Variants in CDK5RAP1 observed in about 807,000 individuals in gnomAD.
CDK5RAP1 encodes the protein CDK5RAP1 mitochondrial tRNA methylthiotransferase, also known as mitochondrial tRNA methylthiotransferase CDK5RAP1.
Under a neutral mutation model 64.5 loss-of-function variants are expected in CDK5RAP1, and 62 were observed. That is an observed-to-expected ratio of 0.96 (90% CI 0.78 to 1.19). The LOEUF (loss-of-function observed/expected upper bound fraction) is 1.19. CDK5RAP1 is among the 50% of genes most tolerant of loss of function. The probability of loss-of-function intolerance (pLI) is 0.00; values close to 1 mark genes in which losing one functional copy is unlikely to be tolerated. For synonymous variants in CDK5RAP1, 250 were observed against 261.9 expected (o/e 0.95, Z 0.44); for missense variants, 657 against 735.0 (o/e 0.89, Z 1.23).
intron 12 of CDK5RAP1, among the ~76,000 whole-genome samples, chr20:33,364,819 C>G (rs1983591398): frequency 6.6e-6 from 1 of 151,914 alleles, no homozygotes; most frequent in African/African-American, 2.4e-5. Context: ...GGTGATCCAC[C>G]CGCCTCGGCC....
chr20:33,389,456 G>A (rs1440728778), intron 5 of CDK5RAP1, among the ~76,000 whole-genome samples: 2 of 151,732 alleles, frequency 1.3e-5, no homozygotes, highest in Non-Finnish European at 2.9e-5. Flanking sequence ...AGTGAGGAGC[G>A]TCTCCGCCCA....
chr20:33,366,725 G>T, intron 12 of CDK5RAP1, 134 bp downstream of exon 12: 4 of 724,988 alleles, frequency 5.5e-6, no homozygotes, highest in East Asian at 2.8e-5. Flanking sequence ...CCACCTACTT[G>T]GGAGGCTGAG....
chr20:33,385,737 G>C lies in CDK5RAP1; in HGVS notation c.789C>G (p.Ser263Arg), dbSNP rs779371496. Residue 263 changes from serine (S) to arginine (R), a missense_variant, in exon 7 of 14, where the codon AGC (serine) becomes AGG (arginine). Physicochemically the swap from Ser to Arg is moderately radical, Grantham distance 110. Transcript: ENST00000346416. ...CCCGGGTGAAAGGAACAATGCAGTA[G>C]CTACACATGTTGTCACAGCCTCGCA... ...SIMRGCDNMC[S>R]YCIVPFTRGR... 9.9e-6 allele frequency: 16 copies of C among 1,613,690 alleles called. No homozygotes were observed. The East Asian group carries it at 3.1e-4, about 31-fold the overall frequency.
chr20:33,395,324 T>C (rs993815356), intron 2 of CDK5RAP1, among the ~76,000 whole-genome samples: 1 of 152,104 alleles, frequency 6.6e-6, no homozygotes, highest in Non-Finnish European at 1.5e-5. Context: ...AATACCATAT[T>C]AGGCTGGGCA....
At chr20:33,372,621 G>A in intron 10 of CDK5RAP1, 21 bp downstream of exon 10, 1 of 1,412,362 alleles carries the variant, frequency 7.1e-7, no homozygotes, top group Non-Finnish European at 9.5e-7. Context: ...ATGCTCAGCA[G>A]AATGAGTTTC....
At chr20:33,396,319 T>C (rs191556507) in intron 2 of CDK5RAP1, among the ~76,000 whole-genome samples, 1 of 152,274 alleles carries the variant, frequency 6.6e-6, no homozygotes, top group Admixed American at 6.5e-5. Context: ...TCAACCCCCG[T>C]CCCCACCAGC....
At chr20:33,389,604 G>A (rs1275811465) in intron 5 of CDK5RAP1, among the ~76,000 whole-genome samples, 10 of 148,036 alleles carry the variant, frequency 6.8e-5, no homozygotes, top group Non-Finnish European at 9.0e-5. Context: ...GCCCCCGCCC[G>A]GCCAGCCGCC....
chr20:33,387,588 G>T, intron 5 of CDK5RAP1, 55 bp from the exon 6 acceptor site: 1 of 1,399,084 alleles, frequency 7.1e-7, no homozygotes, highest in Non-Finnish European at 1.0e-6. Flanking sequence ...GTGTTTAATG[G>T]CTTCTTCTTA....
chr20:33,366,823 T>TA, intron 12 of CDK5RAP1, 36 bp downstream of exon 12: 3 of 1,563,686 alleles, frequency 1.9e-6, no homozygotes, highest in African/African-American at 1.4e-5. Context: ...TTCTGAAACA[T>TA]AAAAAACAAC....
At chr20:33,362,951 A>G (rs1285887067) in intron 12 of CDK5RAP1, among the ~76,000 whole-genome samples, 1 of 152,230 alleles carries the variant, frequency 6.6e-6, no homozygotes, top group Non-Finnish European at 1.5e-5. Flanking sequence ...ACTATTCCCT[A>G]CAAAATACTT....
chr20:33,399,824 G>A lies in CDK5RAP1; in HGVS notation c.-21+1604C>T, dbSNP rs1207743032. The stretch of plus-strand genomic sequence containing the variant: ...GCGGATTGTTTGAGCTCAGGAGTTC[G>A]AGACCAGCCTGGGCAACATGGCAAG... On this transcript the variant is annotated intron_variant, in intron 1 of 13. Coordinates refer to ENST00000346416, the MANE Select transcript of CDK5RAP1 (RefSeq NM_016408.4). 3.9e-5 allele frequency among the ~76,000 whole-genome samples: 6 copies of A among 152,234 alleles called. No homozygotes were observed. In the East Asian group the frequency reaches 7.7e-4, roughly 20 times the overall value.
chr20:33,382,840 G>A (rs1245074944), intron 7 of CDK5RAP1, among the ~76,000 whole-genome samples: 1 of 151,976 alleles, frequency 6.6e-6, no homozygotes. Flanking sequence ...ACTCCAGCCT[G>A]GGCAACAGAA....
chr20:33,389,858 T>C lies in CDK5RAP1; in HGVS notation c.544+2284A>G, dbSNP rs188708080. Among the ~76,000 whole-genome samples, 891 of 151,634 alleles carry C rather than the reference T, an allele frequency of 5.9e-3. 5 individuals carry two copies. Among genetic ancestry groups the C allele is most frequent in the Admixed American group, 0.01 (154 of 15,228 alleles). ...TAGGAGACTCCATTTTGTTCTGTACTAAGAAAAATTCTTCTGCCTTGGGAA... is the reference window on the plus strand; with the variant it reads ...TAGGAGACTCCATTTTGTTCTGTACCAAGAAAAATTCTTCTGCCTTGGGAA... On this transcript the variant is annotated intron_variant, in intron 5 of 13. Transcript: ENST00000346416.
intron 2 of CDK5RAP1, 125 bp from the exon 3 acceptor site, chr20:33,395,241 T>C (rs933109609): frequency 1.1e-5 from 7 of 633,584 alleles, no homozygotes; most frequent in Non-Finnish European, 1.4e-5. Flanking sequence ...AAGTCCCCTA[T>C]TGCTTCAATC....
chr20:33,366,877 C>A lies in CDK5RAP1; in HGVS notation c.1524G>T (p.Gln508His), dbSNP rs761987177. Reference protein sequence around the residue: ...KANQTSVGCTQLVLVEGLSKR... With the variant: ...KANQTSVGCTHLVLVEGLSKR... ...GCCTCACCCCTTCCACTAGCACCAACTGGGTACAGCCCACAGAGGTCTGAT... is the reference window on the plus strand; with the variant it reads ...GCCTCACCCCTTCCACTAGCACCAAATGGGTACAGCCCACAGAGGTCTGAT... The change falls in exon 12 of 14, where the codon CAG becomes CAT. Residue 508 changes from glutamine to histidine, a missense_variant. Gln to His is a conservative substitution (Grantham distance 24). Coordinates refer to ENST00000346416, the MANE Select transcript of CDK5RAP1 (RefSeq NM_016408.4). 2.5e-6 allele frequency: 4 copies of A among 1,613,630 alleles called. No individual in the cohort carries two copies. The highest frequency in any genetic ancestry group is 1.1e-5 in the South Asian group (1 of 90,988).
At chr20:33,364,661 G>A (rs529638241) in intron 12 of CDK5RAP1, among the ~76,000 whole-genome samples, 1 of 151,406 alleles carries the variant, frequency 6.6e-6, no homozygotes, top group East Asian at 1.9e-4. Flanking sequence ...CATAACCTCC[G>A]CCTCCCAGGT....
chr20:33,374,023 C>T, intron 9 of CDK5RAP1, 92 bp downstream of exon 9: 1 of 856,192 alleles, frequency 1.2e-6, no homozygotes. Context: ...TTGTGCCACA[C>T]ACTATGCTAG....
chr20:33,394,100 C>G (rs1988631647), intron 3 of CDK5RAP1, 34 bp from the exon 4 acceptor site: 2 of 1,456,348 alleles, frequency 1.4e-6, no homozygotes, highest in Non-Finnish European at 1.9e-6. Flanking sequence ...AGGAAAATTA[C>G]ATAATATCTT....
rs1982396295 is a variant in CDK5RAP1 at position 33,358,905 on chromosome 20, G to A, written c.*138C>T. ...TCACATAGCAGCTTTAAAGAGACAC[G>A]TTTTCCACTGACATAAAGTTGCTTC... is the stretch of plus-strand genomic sequence containing the variant. On this transcript the variant is annotated 3_prime_UTR_variant, in exon 14 of 14. Transcript: ENST00000346416. The A allele has an allele frequency of 1.2e-5, 8 of 651,294 alleles. No individual in the cohort carries two copies. The highest frequency in any genetic ancestry group is 2.6e-5 in the Admixed American group (1 of 38,228). The allele number at this position is 651,294 out of a possible 1,614,324, so 40.3% of individuals were successfully genotyped here. A position where few individuals can be genotyped will look rare whatever the true frequency, so the allele number is the denominator to read the frequency against.
Sources: allele counts gnomAD v4.1 joint callset (sites outside exome capture counted in the v4.1 genomes callset), GRCh38; gene constraint gnomAD v4.1.1; transcripts MANE v1.5; gene names NCBI Gene and HGNC (gene_info 2026-07-23, HGNC 2026-07-21).